Variants in TM9SF3 observed in about 807,000 individuals in gnomAD.
TM9SF3 encodes the protein SM-11044-binding protein.
In TM9SF3, 14 loss-of-function variants were observed where a neutral mutation model predicts 78.6. The ratio of observed to expected loss-of-function variants is 0.18; its 90% CI spans 0.12 to 0.28. The LOEUF (loss-of-function observed/expected upper bound fraction) is 0.28. TM9SF3 is among the 10% of genes least tolerant of loss of function. The pLI is 1.00. For missense variants in TM9SF3, 496 were observed against 721.9 expected (o/e 0.69, Z 3.59); for synonymous variants, 231 against 241.7 (o/e 0.96, Z 0.41).
intron 7 of TM9SF3, among the ~76,000 whole-genome samples, chr10:96,549,817 T>TAAA (rs35197761): frequency 0.16 from 22,948 of 140,040 alleles, 2,306 homozygotes; most frequent in Admixed American, 0.26. Flanking sequence ...TTCTGCATTT[T>TAAA]AAAAAAAAAA....
chr10:96,580,866 TAAAAAC>T (rs1266257221), intron 1 of TM9SF3, among the ~76,000 whole-genome samples: 4 of 152,150 alleles, frequency 2.6e-5, no homozygotes, highest in Non-Finnish European at 5.9e-5. Context: ...TTTTACAGAC[TAAAAAC>T]AAAAACAAAA....
At chr10:96,577,685 G>C (rs1848513588) in intron 1 of TM9SF3, 1 of 152,190 alleles carries the variant, frequency 6.6e-6, no homozygotes, top group African/African-American at 2.4e-5. Flanking sequence ...TCAACTAATA[G>C]TGCAGACATT....
rs1847784617 is a variant in TM9SF3, at chr10:96,522,168, G to A, written c.*95C>T. On this transcript the variant is annotated 3_prime_UTR_variant, in exon 15 of 15. Coordinates refer to ENST00000371142, the MANE Select transcript of TM9SF3 (RefSeq NM_020123.4). ...CCCACAAAGTACCCAGTGTGTTAAA[G>A]CCCAAATCTCTTCTTGCGTTTGTTT... The A allele has an allele frequency of 9.3e-7, 1 of 1,076,414 alleles. No homozygotes were observed. Among genetic ancestry groups the A allele is most frequent in the Non-Finnish European group, 1.4e-6 (1 of 726,642 alleles). 66.7% of individuals were successfully genotyped at this position (1,076,414 alleles called of 1,614,324 possible). A position where few individuals can be genotyped will look rare whatever the true frequency, so the allele number is the denominator to read the frequency against.
At chr10:96,531,348 C>T (rs1455730453) in intron 10 of TM9SF3, among the ~76,000 whole-genome samples, 2 of 152,092 alleles carry the variant, frequency 1.3e-5, no homozygotes, top group Admixed American at 1.3e-4. Flanking sequence ...GTACTTACCA[C>T]GCTATACTGT....
intron 4 of TM9SF3, among the ~76,000 whole-genome samples, chr10:96,561,396 C>T (rs1361648363): frequency 6.6e-6 from 1 of 152,170 alleles, no homozygotes; most frequent in Non-Finnish European, 1.5e-5. Flanking sequence ...AAATTGACTA[C>T]TAGCAATGGA....
In TM9SF3 at chr10:96,560,290, G is replaced by A. The variant is rs1848289737; in HGVS notation, c.583-554C>T. The stretch of plus-strand genomic sequence containing the variant: ...AGATGATCACTTTAAGGTGGATAAT[G>A]ATGAAAATGAGCACCAATTATCTTT... On this transcript the variant is annotated intron_variant, in intron 4 of 14. Coordinates refer to ENST00000371142, the MANE Select transcript of TM9SF3 (RefSeq NM_020123.4). 3 of 756,514 alleles carry A rather than the reference G, an allele frequency of 4.0e-6. No individual in the cohort carries two copies. In the Admixed American group the frequency reaches 5.2e-5, roughly 13 times the overall value. 46.9% of individuals were successfully genotyped at this position (756,514 alleles called of 1,614,324 possible). A position where few individuals can be genotyped will look rare whatever the true frequency, so the allele number is the denominator to read the frequency against.
At chr10:96,544,857 A>C (rs1348599896) in intron 8 of TM9SF3, among the ~76,000 whole-genome samples, 1 of 152,122 alleles carries the variant, frequency 6.6e-6, no homozygotes, top group Non-Finnish European at 1.5e-5. Flanking sequence ...ATAATAAAAA[A>C]CAAAAAACCC....
Position 96,553,076 on chromosome 10 carries a change from TA to T in TM9SF3, c.661-18del. 6.4e-7 allele frequency: 1 copy of T among 1,552,376 alleles called. No homozygotes were observed. The highest frequency in any genetic ancestry group is 8.7e-7 in the Non-Finnish European group (1 of 1,154,380). On this transcript the variant is annotated intron_variant, in intron 5 of 14. Coordinates refer to ENST00000371142, the MANE Select transcript of TM9SF3 (RefSeq NM_020123.4). ...CCAATGAATCTAAAATAACAGAAAA[TA>T]AAATGTTACCAACCTGCAATATCAG...
At chr10:96,525,116 C>A (rs904000931) in intron 14 of TM9SF3, among the ~76,000 whole-genome samples, 2 of 151,936 alleles carry the variant, frequency 1.3e-5, no homozygotes, top group African/African-American at 4.8e-5. Context: ...TTTTTTAACT[C>A]TCTGCATAAT....
At chr10:96,526,397 A>G (rs114518966) in intron 14 of TM9SF3, among the ~76,000 whole-genome samples, 1,655 of 152,178 alleles carry the variant, frequency 0.011, 30 homozygotes, top group African/African-American at 0.037. Flanking sequence ...TGTGACCTCC[A>G]TGGCCATAAA....
At chr10:96,523,683 T>C (rs1311222307) in intron 14 of TM9SF3, among the ~76,000 whole-genome samples, 33 of 151,904 alleles carry the variant, frequency 2.2e-4, no homozygotes, top group Non-Finnish European at 1.5e-5. Flanking sequence ...CAGATCTAAC[T>C]ACCACTTGAA....
chr10:96,567,843 C>T (rs1848396202), intron 2 of TM9SF3, among the ~76,000 whole-genome samples: 1 of 152,182 alleles, frequency 6.6e-6, no homozygotes, highest in Admixed American at 6.5e-5. Flanking sequence ...GCATAATTTT[C>T]TTATTTGGCA....
At chr10:96,566,089 T>C (rs564763114) in intron 2 of TM9SF3, among the ~76,000 whole-genome samples, 5 of 152,194 alleles carry the variant, frequency 3.3e-5, no homozygotes, top group Non-Finnish European at 7.3e-5. Context: ...AAACCTAGTA[T>C]TTCAAAAATG....
intron 2 of TM9SF3, among the ~76,000 whole-genome samples, chr10:96,571,345 A>G (rs1248182539): frequency 1.3e-5 from 2 of 152,240 alleles, no homozygotes; most frequent in Admixed American, 6.5e-5. Context: ...CCCTCAACTT[A>G]TCCCTGTAGT....
In TM9SF3 at chr10:96,522,039, G is replaced by A; in HGVS notation, c.*224C>T. The A allele has an allele frequency of 1.9e-6, 1 of 526,936 alleles. No individual in the cohort carries two copies. Among genetic ancestry groups the A allele is most frequent in the Non-Finnish European group, 3.3e-6 (1 of 302,300 alleles). 32.6% of individuals were successfully genotyped at this position (526,936 alleles called of 1,614,324 possible). On this transcript the variant is annotated 3_prime_UTR_variant, in exon 15 of 15. Coordinates refer to ENST00000371142, the MANE Select transcript of TM9SF3 (RefSeq NM_020123.4). ...GCCATGTACTGTAGTAATGCCTACT[G>A]CATAAAATCCAAGCATTTGCTGTGA...
intron 14 of TM9SF3, among the ~76,000 whole-genome samples, chr10:96,523,437 C>A (rs1847803626): frequency 6.6e-6 from 1 of 151,848 alleles, no homozygotes; most frequent in African/African-American, 2.4e-5. Context: ...AGGCTACCAA[C>A]TGGTTGATGA....
At chr10:96,532,659 T>C (rs1847911646) in intron 10 of TM9SF3, among the ~76,000 whole-genome samples, 2 of 152,220 alleles carry the variant, frequency 1.3e-5, no homozygotes, top group Admixed American at 1.3e-4. Flanking sequence ...CCAGCTCTGA[T>C]GCTGTACTAT....
intron 2 of TM9SF3, 113 bp from the exon 3 acceptor site, chr10:96,565,539 A>T: frequency 8.3e-7 from 1 of 1,211,232 alleles, no homozygotes; most frequent in Non-Finnish European, 1.1e-6. Flanking sequence ...TTCTATTCAC[A>T]ATAGCTGAAT....
chr10:96,568,566 G>A (rs1396113864), intron 2 of TM9SF3, among the ~76,000 whole-genome samples: 1 of 152,210 alleles, frequency 6.6e-6, no homozygotes, highest in Non-Finnish European at 1.5e-5. Context: ...AATAGGCAGT[G>A]AAAGCACTGA....
Sources: gnomAD v4.1 joint callset for allele counts (sites outside exome capture counted in the v4.1 genomes callset) on GRCh38, gnomAD v4.1.1 for gene constraint, MANE v1.5 for transcripts, NCBI Gene and HGNC (gene_info 2026-07-23, HGNC 2026-07-21) for gene names.